The following FGF14 variants were observed in gnomAD, a reference collection of about 807,000 sequenced individuals.
FGF14 encodes the protein fibroblast growth factor 14.
FGF14 carries 5 observed loss-of-function variants against 25.5 expected under a neutral mutation model. That is an observed-to-expected ratio of 0.20 (90% CI 0.10 to 0.41). The LOEUF is 0.41. FGF14 is among the 10% of genes least tolerant of loss of function. FGF14 has a pLI of 1.00. For synonymous variants in FGF14, 138 were observed against 118.3 expected (o/e 1.17, Z -1.08); for missense variants, 222 against 320.1 (o/e 0.69, Z 2.34).
At chr13:102,355,680 A>G (rs2057401128) in intron 1 of FGF14, among the ~76,000 whole-genome samples, 1 of 151,744 alleles carries the variant, frequency 6.6e-6, no homozygotes, top group Non-Finnish European at 1.5e-5. Flanking sequence ...CTCTACTCAA[A>G]TTGTTAAAAA....
intron 3 of FGF14, among the ~76,000 whole-genome samples, chr13:101,832,800 A>G (rs776262433): frequency 6.6e-6 from 1 of 152,062 alleles, no homozygotes; most frequent in Non-Finnish European, 1.5e-5. Context: ...ATTCTCGAGA[A>G]AGGTTTTAGG....
In FGF14 at chr13:101,937,209, T is replaced by C. The variant is rs544452076; in HGVS notation, c.209-61913A>G. The stretch of plus-strand genomic sequence containing the variant: ...GAACTAATTGAGAATAATGAACATA[T>C]CAGAATAATTCCCAGTAATCTGTGG... On this transcript the variant is annotated intron_variant, in intron 1 of 4. Coordinates refer to the FGF14 transcript ENST00000376131. 3.9e-5 allele frequency among the ~76,000 whole-genome samples: 6 copies of C among 152,296 alleles called. No homozygotes were observed. The South Asian group carries it at 1.0e-3, about 26-fold the overall frequency.
At chr13:102,059,864 C>CAAAAAA (rs1360310381) in intron 1 of FGF14, among the ~76,000 whole-genome samples, 1 of 139,614 alleles carries the variant, frequency 7.2e-6, no homozygotes, top group African/African-American at 2.9e-5. Context: ...AAAACAAAAA[C>CAAAAAA]AAAAACAAAA....
intron 1 of FGF14, among the ~76,000 whole-genome samples, chr13:102,049,886 C>T (rs1240883526): frequency 1.3e-5 from 2 of 152,268 alleles, no homozygotes; most frequent in South Asian, 4.1e-4. Flanking sequence ...CAAACATATT[C>T]TATTTCATAT....
chr13:101,945,236 T>TGAACCCCACAGGCGGAGGTTGA (rs2035727913), intron 1 of FGF14, among the ~76,000 whole-genome samples: 1 of 152,190 alleles, frequency 6.6e-6, no homozygotes, highest in African/African-American at 2.4e-5. Context: ...GAGAATCACT[T>TGAACCCCACAGGCGGAGGTTGA]GAACCCCACA....
intron 1 of FGF14, among the ~76,000 whole-genome samples, chr13:102,301,351 A>T (rs1594782058): frequency 6.6e-6 from 1 of 152,322 alleles, no homozygotes; most frequent in East Asian, 1.9e-4. Context: ...AATGTAGCTG[A>T]TGTATAATGA....
intron 1 of FGF14, among the ~76,000 whole-genome samples, chr13:102,379,761 A>G (rs902277226): frequency 1.3e-5 from 2 of 152,166 alleles, no homozygotes; most frequent in Non-Finnish European, 2.9e-5. Flanking sequence ...CTCATCTCAC[A>G]TAATTGTACT....
intron 3 of FGF14, among the ~76,000 whole-genome samples, chr13:101,856,420 A>G (rs1270678455): frequency 2.0e-5 from 3 of 151,946 alleles, no homozygotes; most frequent in East Asian, 1.9e-4. Flanking sequence ...ATTTTATTCA[A>G]TAATTACTAC....
At chr13:101,980,484 C>G (rs1224229338) in intron 1 of FGF14, among the ~76,000 whole-genome samples, 2 of 152,048 alleles carry the variant, frequency 1.3e-5, no homozygotes, top group Non-Finnish European at 2.9e-5. Flanking sequence ...TAAACTAGAG[C>G]ATTATAATAA....
rs571346942 is a variant in FGF14, at chr13:101,768,998, G to T, written c.409-42188C>A. On this transcript the variant is annotated intron_variant, in intron 3 of 4. Coordinates refer to ENST00000376143, the MANE Select transcript of FGF14 (RefSeq NM_004115.4). The stretch of plus-strand genomic sequence containing the variant: ...CACTAAAATTAAAAATTTCTGCTTT[G>T]CAAATGACTGTCAACATTATGTGAA... Among the ~76,000 whole-genome samples the T allele has an allele frequency of 2.0e-5, 3 of 152,198 alleles. No individual in the cohort carries two copies. In the East Asian group the frequency reaches 5.8e-4, roughly 29 times the overall value.
intron 1 of FGF14, chr13:102,299,965 C>A (rs1414057240): frequency 1.3e-5 from 2 of 152,104 alleles, no homozygotes; most frequent in African/African-American, 2.4e-5. Context: ...CCTAAACAAA[C>A]TTCTGGGATA....
At chr13:101,915,658 T>C (rs1227913956) in intron 1 of FGF14, among the ~76,000 whole-genome samples, 1 of 152,196 alleles carries the variant, frequency 6.6e-6, no homozygotes, top group Admixed American at 6.5e-5. Context: ...CTCAAAGAAA[T>C]ACCTGTAGTA....
chr13:102,213,221 C>G (rs1174092147), intron 1 of FGF14, among the ~76,000 whole-genome samples: 1 of 152,166 alleles, frequency 6.6e-6, no homozygotes, highest in Non-Finnish European at 1.5e-5. Flanking sequence ...CTTTTAGAAA[C>G]AGAATAAATA....
chr13:102,264,291 C>T (rs74109575), intron 1 of FGF14, among the ~76,000 whole-genome samples: 3,774 of 152,192 alleles, frequency 0.025, 153 homozygotes, highest in African/African-American at 0.085. Context: ...CTGACACCAA[C>T]GCAAAGTTGA....
In FGF14 at chr13:101,710,994, G is replaced by A. The variant is rs1438279060; in HGVS notation, c.*11837C>T. On this transcript the variant is annotated 3_prime_UTR_variant, in exon 5 of 5. Transcript: ENST00000376143. The stretch of plus-strand genomic sequence containing the variant: ...TTGTCAGGCTTGAATGAAAAAGAAA[G>A]TCCAACATTAGTAATGGAATGGGCA... The A allele has an allele frequency of 6.6e-6, 1 of 152,202 alleles. No individual in the cohort carries two copies. Among genetic ancestry groups the A allele is most frequent in the East Asian group, 1.9e-4 (1 of 5,188 alleles). The allele number at this position is 152,202 out of a possible 1,614,324, so 9.4% of individuals were successfully genotyped here.
Position 101,731,962 on chromosome 13 carries a change from T to C in FGF14, c.409-5152A>G, listed in dbSNP as rs747562920. On this transcript the variant is annotated intron_variant, in intron 3 of 4. Transcript: ENST00000376143. Reference sequence around the variant, plus strand: ...TACTATATGGTCCTTTGCCAAAAGTTTGCCAATCCTGATCTAAGGTAAAAT... The same window carrying C: ...TACTATATGGTCCTTTGCCAAAAGTCTGCCAATCCTGATCTAAGGTAAAAT... Among the ~76,000 whole-genome samples, 89 of 152,218 alleles carry C rather than the reference T, an allele frequency of 5.8e-4. 1 individual carries two copies. Among genetic ancestry groups the C allele is most frequent in the Non-Finnish European group, 4.4e-4 (30 of 68,040 alleles).
At chr13:102,024,397 G>A (rs1030699301) in intron 1 of FGF14, among the ~76,000 whole-genome samples, 10 of 151,950 alleles carry the variant, frequency 6.6e-5, no homozygotes, top group Admixed American at 6.6e-4. Flanking sequence ...GTTTTCTTGT[G>A]TTTATTGGTA....
At chr13:102,150,089 T>C (rs1391511385) in intron 1 of FGF14, among the ~76,000 whole-genome samples, 1 of 152,122 alleles carries the variant, frequency 6.6e-6, no homozygotes, top group Non-Finnish European at 1.5e-5. Context: ...AGTAAGACAG[T>C]GGAAAGAGCA....
chr13:102,287,672 A>C (rs1043695059), intron 1 of FGF14, among the ~76,000 whole-genome samples: 1 of 152,248 alleles, frequency 6.6e-6, no homozygotes, highest in Non-Finnish European at 1.5e-5. Context: ...GCTGAAGAAG[A>C]GCTAATAAAA....
Sources: allele counts gnomAD v4.1 joint callset (sites outside exome capture counted in the v4.1 genomes callset), GRCh38; gene constraint gnomAD v4.1.1; transcripts MANE v1.5; gene names NCBI Gene and HGNC (gene_info 2026-07-23, HGNC 2026-07-21).